The following STX11 variants were observed in gnomAD, a reference collection of about 807,000 sequenced individuals.
STX11 encodes the protein syntaxin 11, also known as syntaxin-11.
STX11 carries 21 observed loss-of-function variants against 19.9 expected under a neutral mutation model. That is an observed-to-expected ratio of 1.06 (90% CI 0.75 to 1.52). STX11 has a LOEUF of 1.52. Among genes scored for constraint, STX11 ranks in the 40% most tolerant of loss-of-function variants. The pLI, the probability that STX11 is intolerant of heterozygous loss-of-function variation, is 0.00. For synonymous variants in STX11, 193 were observed against 174.4 expected, an observed-to-expected ratio of 1.11 and a Z score of -0.84; for missense variants, 438 against 405.9, an observed-to-expected ratio of 1.08 and a Z score of -0.68.
rs1172199985 is a variant in STX11, at chr6:144,191,413, TTTACA to T, written c.*3925_*3929del. 1.3e-5 allele frequency among the ~76,000 whole-genome samples: 2 copies of T among 151,586 alleles called. No homozygotes were observed. The highest frequency in any genetic ancestry group is 2.9e-5 in the Non-Finnish European group (2 of 67,950). ...ACAGTACTCTTTTTATATCAATGCC[TTTACA>T]TTTATTTAAAAACAGTCCTAATGCT... On this transcript the variant is annotated 3_prime_UTR_variant, in exon 2 of 2. Coordinates refer to ENST00000367568, the MANE Select transcript of STX11 (RefSeq NM_003764.4).
At chr6:144,140,153 G>A in the STX11 span, among the ~76,000 whole-genome samples, 1 of 134,700 alleles carries the variant, frequency 7.4e-6, no homozygotes, top group Non-Finnish European at 1.6e-5. Flanking sequence ...CCTTTGAATC[G>A]GTGAGTTCAC....
chr6:144,168,603 A>G (rs1420158758), intron 1 of STX11, among the ~76,000 whole-genome samples: 1 of 152,144 alleles, frequency 6.6e-6, no homozygotes, highest in Non-Finnish European at 1.5e-5. Context: ...TTTTTCTCTC[A>G]TCTGATATAC....
In STX11 at chr6:144,191,111, G is replaced by A. The variant is rs1802198419; in HGVS notation, c.*3620G>A. ...TCACAAAGAACAATAGATCCTTCAG[G>A]AGCTGAAGGTAAGAATCTTTTATAG... is the stretch of plus-strand genomic sequence containing the variant. On this transcript the variant is annotated 3_prime_UTR_variant, in exon 2 of 2. Coordinates refer to ENST00000367568, the MANE Select transcript of STX11 (RefSeq NM_003764.4). Among the ~76,000 whole-genome samples the A allele has an allele frequency of 1.3e-5, 2 of 151,514 alleles. No homozygotes were observed. Among genetic ancestry groups the A allele is most frequent in the South Asian group, 4.2e-4 (2 of 4,766 alleles).
intron 1 of STX11, among the ~76,000 whole-genome samples, chr6:144,158,792 G>A (rs748090060): frequency 2.0e-5 from 3 of 152,234 alleles, no homozygotes; most frequent in Non-Finnish European, 2.9e-5. Flanking sequence ...CATTGGCAAT[G>A]ATTTTTTCTT....
In STX11 at chr6:144,187,278, G is replaced by C; in HGVS notation, c.651G>C (p.Leu217=). The C allele has an allele frequency of 6.2e-7, 1 of 1,613,376 alleles. No individual in the cohort carries two copies. Among genetic ancestry groups the C allele is most frequent in the Non-Finnish European group, 8.5e-7 (1 of 1,179,958 alleles). ...GCCGCCACCGCGAACTGCTGCGCCT[G>C]GAGAGCCGCATCCGCGACGTACACG... is the stretch of plus-strand genomic sequence containing the variant. The part of the protein sequence containing the change: ...IESRHRELLR[L]ESRIRDVHEL... Residue 217 remains leucine (L), a synonymous_variant, in exon 2 of 2, where the codon CTG becomes CTC. Coordinates refer to ENST00000367568, the MANE Select transcript of STX11 (RefSeq NM_003764.4). This position sits in a 1 kb window ranked among gnomAD's most constrained non-coding sequence, Gnocchi z 5.6.
Position 144,176,593 on chromosome 6 carries a change from C to T in STX11, c.-5-10030C>T, listed in dbSNP as rs1266476214. ...TTGCTTCTCGAATGTCTTTGCTTGCCACAGTCTCTAAAGGGAGTGAGAAGA... is the reference window on the plus strand; with the variant it reads ...TTGCTTCTCGAATGTCTTTGCTTGCTACAGTCTCTAAAGGGAGTGAGAAGA... On this transcript the variant is annotated intron_variant, in intron 1 of 1. Coordinates refer to ENST00000367568, the MANE Select transcript of STX11 (RefSeq NM_003764.4). This position sits in a 1 kb window ranked among gnomAD's most constrained non-coding sequence, Gnocchi z 4.1. Among the ~76,000 whole-genome samples, 1 of 152,094 alleles carries T rather than the reference C, an allele frequency of 6.6e-6. No homozygotes were observed. The highest frequency in any genetic ancestry group is 1.5e-5 in the Non-Finnish European group (1 of 68,018).
chr6:144,159,389 G>C lies in STX11; in HGVS notation c.-6+8686G>C, dbSNP rs571397800. Among the ~76,000 whole-genome samples, 46 of 152,340 alleles carry C rather than the reference G, an allele frequency of 3.0e-4. No homozygotes were observed. Among genetic ancestry groups the C allele is most frequent in the African/African-American group, 1.1e-3 (46 of 41,572 alleles). On this transcript the variant is annotated intron_variant, in intron 1 of 1. Transcript: ENST00000367568. This position sits in a 1 kb window ranked among gnomAD's most constrained non-coding sequence, Gnocchi z 4.3. ...GGAAACCCAGCCTAGTCTAAGGTCA[G>C]AGGAAGTGTCTCATTTTCCTGAAAT...
chr6:144,141,658 TG>T, the STX11 span, among the ~76,000 whole-genome samples: 4 of 84,754 alleles, frequency 4.7e-5, no homozygotes, highest in African/African-American at 2.1e-4. Flanking sequence ...TCAGTTTTGT[TG>T]TTGTTGTTGT....
At chr6:144,171,201 C>T (rs1425955202) in intron 1 of STX11, among the ~76,000 whole-genome samples, 2 of 152,152 alleles carry the variant, frequency 1.3e-5, no homozygotes, top group Non-Finnish European at 2.9e-5. Context: ...CCTATACGTC[C>T]CTGAGTAGAT....
chr6:144,143,133 G>A, the STX11 span, among the ~76,000 whole-genome samples: 1 of 152,080 alleles, frequency 6.6e-6, no homozygotes, highest in Non-Finnish European at 1.5e-5. Context: ...AAAAAGATTT[G>A]CCTGTGAATC....
upstream of STX11, among the ~76,000 whole-genome samples, chr6:144,150,361 C>G (rs903389698): frequency 6.6e-6 from 1 of 152,204 alleles, no homozygotes; most frequent in Non-Finnish European, 1.5e-5. Flanking sequence ...GCGTCCCCGG[C>G]TCCGGGCGGT....
At chr6:144,157,793 C>A (rs1031395308) in intron 1 of STX11, among the ~76,000 whole-genome samples, 1 of 152,106 alleles carries the variant, frequency 6.6e-6, no homozygotes, top group Non-Finnish European at 1.5e-5. Context: ...ATAACACACA[C>A]CAGTCCTTGC....
rs1267402375 is a variant in STX11, at chr6:144,186,808, G to C, written c.181G>C (p.Asp61His). The C allele has an allele frequency of 5.6e-6, 9 of 1,613,748 alleles. No homozygotes were observed. The highest frequency in any genetic ancestry group is 2.2e-5 in the South Asian group (2 of 91,082). ...GGATGAAAACCAGCTGCTGGTGGCC[G>C]ACGTGAAGCGGCTGGGAAAGCAGAA... ...IQDENQLLVADVKRLGKQNAR... is the reference protein window; with the variant it reads ...IQDENQLLVAHVKRLGKQNAR... Residue 61 changes from aspartate (D) to histidine (H), a missense_variant, in exon 2 of 2, where the codon GAC becomes CAC. Physicochemically the swap from Asp to His is moderately conservative, Grantham distance 81. Coordinates refer to ENST00000367568, the MANE Select transcript of STX11 (RefSeq NM_003764.4).
chr6:144,178,929 T>C (rs749525097), intron 1 of STX11, among the ~76,000 whole-genome samples: 8 of 152,152 alleles, frequency 5.3e-5, no homozygotes, highest in Admixed American at 3.3e-4. Flanking sequence ...TGTTTTGATG[T>C]TCAAAGAATA....
intron 1 of STX11, among the ~76,000 whole-genome samples, chr6:144,171,765 A>T (rs1196366911): frequency 1.3e-5 from 2 of 151,810 alleles, no homozygotes; most frequent in African/African-American, 2.4e-5. Context: ...TCTTCAAAAA[A>T]CAAACAAACA....
rs1185794014 is a variant in STX11, at chr6:144,155,830, A to G, written c.-6+5127A>G. Among the ~76,000 whole-genome samples, 1 of 152,150 alleles carries G rather than the reference A, an allele frequency of 6.6e-6. No homozygotes were observed. Among genetic ancestry groups the G allele is most frequent in the African/African-American group, 2.4e-5 (1 of 41,428 alleles). On this transcript the variant is annotated intron_variant, in intron 1 of 1. Transcript: ENST00000367568. The surrounding 1 kb of genome is among the most constrained non-coding windows in gnomAD (Gnocchi z 4.5). ...AGACATTATCTGTGTATTTCATTCA[A>G]CTTCTTTGTAAGGCTCAGTAATTGG...
Position 144,165,728 on chromosome 6 carries a change from C to G in STX11, c.-6+15025C>G, listed in dbSNP as rs1801460724. ...ACTTATAGTATCTTCAATAAGCTAC[C>G]TGATAAATTAACTGATTATGGATGG... On this transcript the variant is annotated intron_variant, in intron 1 of 1. Transcript: ENST00000367568. The surrounding 1 kb of genome is among the most constrained non-coding windows in gnomAD (Gnocchi z 5.8). Among the ~76,000 whole-genome samples, 1 of 152,140 alleles carries G rather than the reference C, an allele frequency of 6.6e-6. No homozygotes were observed. The highest frequency in any genetic ancestry group is 6.5e-5 in the Admixed American group (1 of 15,272).
intron 1 of STX11, 27 bp downstream of exon 1, chr6:144,150,730 A>G (rs1800982636): frequency 5.3e-6 from 5 of 937,060 alleles, no homozygotes; most frequent in Non-Finnish European, 6.1e-6. Flanking sequence ...CTGAGCCCCC[A>G]TTTCTCTTCC....
the STX11 span, among the ~76,000 whole-genome samples, chr6:144,140,283 C>T: frequency 7.2e-6 from 1 of 138,686 alleles, no homozygotes; most frequent in Non-Finnish European, 1.5e-5. Context: ...GAGAAAGAAT[C>T]TCACTCTGTC....
Sources: gnomAD v4.1 joint callset for allele counts (sites outside exome capture counted in the v4.1 genomes callset) on GRCh38, gnomAD v4.1.1 for gene constraint, Gnocchi (gnomAD v3.1) non-coding constraint, MANE v1.5 for transcripts, NCBI Gene and HGNC (gene_info 2026-07-23, HGNC 2026-07-21) for gene names.